The following KDM3B variants were observed in gnomAD, a reference collection of about 807,000 sequenced individuals.
KDM3B encodes the protein lysine demethylase 3B, also known as lysine-specific demethylase 3B.
KDM3B carries 10 observed loss-of-function variants against 170.0 expected under a neutral mutation model. That is an observed-to-expected ratio of 0.06 (90% CI 0.04 to 0.10). The LOEUF (loss-of-function observed/expected upper bound fraction) is 0.10, where lower values mean the gene tolerates loss of function less well. KDM3B is among the 10% of genes least tolerant of loss of function. The probability of loss-of-function intolerance (pLI) is 1.00; values close to 1 mark genes in which losing one functional copy is unlikely to be tolerated. For missense variants in KDM3B, 1,394 were observed against 2,195.2 expected (o/e 0.64, Z 7.29); for synonymous variants, 831 against 834.8 (o/e 1.00, Z 0.08).
chr5:138,363,062 C>T (rs1761655132), intron 1 of KDM3B, among the ~76,000 whole-genome samples: 2 of 151,652 alleles, frequency 1.3e-5, no homozygotes, highest in Admixed American at 1.3e-4. Flanking sequence ...TTTTTCTTTC[C>T]TTAAACTGCT....
intron 1 of KDM3B, among the ~76,000 whole-genome samples, chr5:138,358,300 TTCTTTC>T (rs1761506377): frequency 8.3e-6 from 1 of 119,822 alleles, no homozygotes; most frequent in African/African-American, 2.9e-5. Context: ...TTTTCTTTCT[TTCTTTC>T]TTTTTTTTTT....
rs761591419 is a variant in KDM3B, at chr5:138,430,372, A to G, written c.5017A>G (p.Ile1673Val). 5.0e-6 allele frequency: 8 copies of G among 1,613,974 alleles called. No individual in the cohort carries two copies. Among genetic ancestry groups the G allele is most frequent in the Non-Finnish European group, 6.8e-6 (8 of 1,180,022 alleles). ...GGAGTATGGCGTGCAAGGCTGGGCTATTGTGCAGTTCCTAGGTGATGCTGT... is the reference window on the plus strand; with the variant it reads ...GGAGTATGGCGTGCAAGGCTGGGCTGTTGTGCAGTTCCTAGGTGATGCTGT... ...YEEYGVQGWA[I>V]VQFLGDAVFI... Residue 1673 changes from isoleucine to valine, a missense_variant, in exon 22 of 24, where the codon ATT (isoleucine) becomes GTT (valine). Ile to Val is a conservative substitution (Grantham distance 29). Transcript: ENST00000314358.
intron 11 of KDM3B, among the ~76,000 whole-genome samples, chr5:138,411,483 C>A (rs139319182): frequency 0.012 from 1,784 of 152,204 alleles, 17 homozygotes; most frequent in Non-Finnish European, 0.019. Flanking sequence ...TGGTCTCTTG[C>A]CTCGGCGCCT....
chr5:138,424,465 TG>T, intron 16 of KDM3B, 124 bp downstream of exon 16: 1 of 1,127,078 alleles, frequency 8.9e-7, no homozygotes, highest in Non-Finnish European at 1.3e-6. Context: ...GTAATAGCCT[TG>T]CTACTTCGAG....
chr5:138,415,347 A>G (rs1483980777), intron 12 of KDM3B, 108 bp downstream of exon 12: 1 of 554,752 alleles, frequency 1.8e-6, no homozygotes, highest in Non-Finnish European at 3.2e-6. Flanking sequence ...TCTTTTAAGC[A>G]TCATCAGATT....
At chr5:138,412,167 C>G (rs1298174637) in intron 11 of KDM3B, among the ~76,000 whole-genome samples, 1 of 151,240 alleles carries the variant, frequency 6.6e-6, no homozygotes, top group East Asian at 2.0e-4. Context: ...GAAACCCTGT[C>G]TCTACTAAAA....
chr5:138,396,899 TA>T (rs142874770), intron 9 of KDM3B, among the ~76,000 whole-genome samples: 3,830 of 152,204 alleles, frequency 0.025, 168 homozygotes, highest in African/African-American at 0.086. Flanking sequence ...TTTAAAGTGT[TA>T]AAAGGCCAGG....
Position 138,430,158 on chromosome 5 carries a change from C to T in KDM3B, c.4894-91C>T, listed in dbSNP as rs187372042. The T allele has an allele frequency of 5.8e-5, 84 of 1,453,138 alleles. No homozygotes were observed. In the East Asian group the frequency reaches 1.9e-3, roughly 34 times the overall value. The allele number at this position is 1,453,138 out of a possible 1,614,324, so 90.0% of individuals were successfully genotyped here. A position where few individuals can be genotyped will look rare whatever the true frequency, so the allele number is the denominator to read the frequency against. ...GACTAGAATAAAGTTTTGCCATCCC[C>T]ACCCCATCTTAGGACATTGCTGCAG... On this transcript the variant is annotated intron_variant, in intron 21 of 23. Transcript: ENST00000314358.
intron 11 of KDM3B, among the ~76,000 whole-genome samples, chr5:138,413,491 G>A (rs1763026845): frequency 6.6e-6 from 1 of 152,146 alleles, no homozygotes; most frequent in South Asian, 2.1e-4. Context: ...ACTTTGGAAA[G>A]CAAGAAGGTC....
rs747123799 is a variant in KDM3B at position 138,392,182 on chromosome 5, G to A, written c.2550G>A (p.Glu850=). Residue 850 remains glutamate, a synonymous_variant, in exon 8 of 24, where the codon GAG becomes GAA. Coordinates refer to ENST00000314358, the MANE Select transcript of KDM3B (RefSeq NM_016604.4). ...HLMGKLGPNG[E]RSAELLLGKS... ...TGGGGAAGCTGGGCCCCAATGGGGAGCGCAGTGCTGAGCTGTTGCTGGGCA... is the reference window on the plus strand; with the variant it reads ...TGGGGAAGCTGGGCCCCAATGGGGAACGCAGTGCTGAGCTGTTGCTGGGCA... 1.9e-6 allele frequency: 3 copies of A among 1,554,140 alleles called. No homozygotes were observed. Among genetic ancestry groups the A allele is most frequent in the South Asian group, 1.2e-5 (1 of 82,722 alleles).
chr5:138,435,904 T>C lies in KDM3B; in HGVS notation c.*204T>C. 1 of 555,314 alleles carries C rather than the reference T, an allele frequency of 1.8e-6. No homozygotes were observed. The highest frequency in any genetic ancestry group is 2.2e-5 in the South Asian group (1 of 45,890). The allele number at this position is 555,314 out of a possible 1,614,324, so 34.4% of individuals were successfully genotyped here. A position where few individuals can be genotyped will look rare whatever the true frequency, so the allele number is the denominator to read the frequency against. On this transcript the variant is annotated 3_prime_UTR_variant, in exon 24 of 24. Transcript: ENST00000314358. ...AAGTCGTACTGTTCACACACACAGT[T>C]TGAGACTCCAAGCCAAGAGTGCCAC...
At chr5:138,406,653 AAAGTT>A (rs1325809657) in intron 11 of KDM3B, among the ~76,000 whole-genome samples, 1 of 152,166 alleles carries the variant, frequency 6.6e-6, no homozygotes, top group Admixed American at 6.5e-5. Context: ...AAAAAAAAGA[AAAGTT>A]AAACAATTAA....
chr5:138,416,856 T>C (rs899015240), intron 12 of KDM3B, among the ~76,000 whole-genome samples: 1 of 152,192 alleles, frequency 6.6e-6, no homozygotes, highest in Non-Finnish European at 1.5e-5. Flanking sequence ...AGTCTCACCC[T>C]GTTGCCCAGG....
Position 138,399,996 on chromosome 5 carries a change from A to T in KDM3B, c.3183A>T (p.Lys1061Asn). The change falls in exon 11 of 24, where the codon AAA (lysine) becomes AAT (asparagine). Residue 1061 changes from lysine (K) to asparagine (N), a missense_variant. This residue lies in a region of KDM3B where 44 missense variants were observed against 71.1 expected (regional missense o/e 0.62). Transcript: ENST00000314358. Reference sequence around the variant, plus strand: ...GCCTTGACTGTTACCGGCTCAGGAAAAGCCGGCCACGCAGTGGTAAGTAAA... The same window carrying T: ...GCCTTGACTGTTACCGGCTCAGGAATAGCCGGCCACGCAGTGGTAAGTAAA... The part of the protein sequence containing the change: ...GVCLDCYRLR[K>N]SRPRSETEEM... 1.2e-6 allele frequency: 2 copies of T among 1,614,184 alleles called. No individual in the cohort carries two copies. The highest frequency in any genetic ancestry group is 1.7e-6 in the Non-Finnish European group (2 of 1,180,022).
chr5:138,378,182 C>A (rs1381007482), intron 4 of KDM3B, among the ~76,000 whole-genome samples: 1 of 152,084 alleles, frequency 6.6e-6, no homozygotes, highest in Admixed American at 6.6e-5. Context: ...GTTTCTGGTT[C>A]ATTCTGCATT....
chr5:138,411,522 C>G (rs1374231770), intron 11 of KDM3B, among the ~76,000 whole-genome samples: 1 of 152,094 alleles, frequency 6.6e-6, no homozygotes, highest in Non-Finnish European at 1.5e-5. Flanking sequence ...AAACCTCTGT[C>G]TTTACCTCCC....
intron 15 of KDM3B, 135 bp from the exon 16 acceptor site, chr5:138,423,940 A>G: frequency 2.5e-6 from 2 of 789,984 alleles, no homozygotes; most frequent in Non-Finnish European, 1.9e-6. Flanking sequence ...CAGTTGTAAA[A>G]GACATTTTAA....
intron 5 of KDM3B, among the ~76,000 whole-genome samples, chr5:138,379,931 C>G (rs1401930290): frequency 6.6e-6 from 1 of 152,160 alleles, no homozygotes; most frequent in African/African-American, 2.4e-5. Flanking sequence ...CCTTACAACA[C>G]TGTTTTGGGT....
intron 7 of KDM3B, among the ~76,000 whole-genome samples, chr5:138,387,200 T>C (rs746822164): frequency 6.6e-6 from 1 of 152,242 alleles, no homozygotes; most frequent in African/African-American, 2.4e-5. Context: ...CTTTGTTCTT[T>C]ATCTGATATG....
Sources: allele counts gnomAD v4.1 joint callset (sites outside exome capture counted in the v4.1 genomes callset), GRCh38; gene constraint gnomAD v4.1.1; regional missense constraint gnomAD v4.1.1; transcripts MANE v1.5; gene names NCBI Gene and HGNC (gene_info 2026-07-23, HGNC 2026-07-21).